Variants in CHD4 observed in about 807,000 individuals in gnomAD.
CHD4 encodes ATP-dependent chromatin remodeler CHD4.
Under a neutral mutation model 235.5 loss-of-function variants are expected in CHD4, and 35 were observed. The ratio of observed to expected loss-of-function variants is 0.15; its 90% CI spans 0.11 to 0.20. The LOEUF (loss-of-function observed/expected upper bound fraction) is 0.20. Ranked by LOEUF, CHD4 falls within the 10% of genes least tolerant of loss-of-function variation. CHD4 has a pLI of 1.00. For synonymous variants in CHD4, 900 were observed against 850.2 expected (o/e 1.06, Z -1.02); for missense variants, 1,329 against 2,432.3 (o/e 0.55, Z 9.54).
In CHD4 at chr12:6,581,051, C is replaced by A. The variant is rs774243580; in HGVS notation, c.4902G>T (p.Glu1634Asp). The A allele has an allele frequency of 1.9e-6, 3 of 1,613,794 alleles. No homozygotes were observed. In the African/African-American group the frequency reaches 4.0e-5, roughly 22 times the overall value. Residue 1634 changes from glutamate to aspartate, a missense_variant, in exon 33 of 40, where the codon GAG becomes GAT. By Grantham distance (45) the Glu-to-Asp change is conservative. This residue lies in a region of CHD4 where 219 missense variants were observed against 219.3 expected (regional missense o/e 1.00). Transcript: ENST00000544040. ...KERTEEPMETEPKGAADVEKV... is the reference protein window; with the variant it reads ...KERTEEPMETDPKGAADVEKV... The stretch of plus-strand genomic sequence containing the variant: ...AAATGTGGATACCTTTACCTTTGGG[C>A]TCTGTCTCCATAGGTTCCTCTGTTC...
Position 6,570,367 on chromosome 12 carries a change from A to C in CHD4, c.*309T>G. Reference sequence around the variant, plus strand: ...GAAAAAATTCAGATCATTTTCTTCAAGCCTGGCAGGAACCCACAACAGTTT... The same window carrying C: ...GAAAAAATTCAGATCATTTTCTTCACGCCTGGCAGGAACCCACAACAGTTT... On this transcript the variant is annotated 3_prime_UTR_variant, in exon 40 of 40. Transcript: ENST00000544040. 1 of 403,018 alleles carries C rather than the reference A, an allele frequency of 2.5e-6. No homozygotes were observed. The highest frequency in any genetic ancestry group is 4.4e-6 in the Non-Finnish European group (1 of 225,120). The allele number at this position is 403,018 out of a possible 1,614,324, so 25.0% of individuals were successfully genotyped here. A position where few individuals can be genotyped will look rare whatever the true frequency, so the allele number is the denominator to read the frequency against.
At position 6,593,513 on chromosome 12, in the gene CHD4, T is replaced by C. The variant is rs1161155760; in HGVS notation, c.2417A>G (p.Tyr806Cys). Residue 806 changes from tyrosine (Y) to cysteine (C), a missense_variant, in exon 16 of 40, where the codon TAT becomes TGT. By Grantham distance (194) the Tyr-to-Cys change is radical. Around this residue, in one of 26 missense-constraint regions of CHD4, gnomAD observed 78 missense variants for 174.8 expected, o/e 0.45. Coordinates refer to ENST00000544040, the MANE Select transcript of CHD4 (RefSeq NM_001273.5). The surrounding 1 kb of genome is among the most constrained non-coding windows in gnomAD (Gnocchi z 4.9). ...MWAPDMYVVT[Y>C]VGDKDSRAII... ...GGCACGGCTGTCCTTGTCACCCACA[T>C]AGGTTACGACATACATGTCTGGAGC... 1.2e-6 allele frequency: 2 copies of C among 1,614,138 alleles called. No individual in the cohort carries two copies. Among genetic ancestry groups the C allele is most frequent in the Non-Finnish European group, 8.5e-7 (1 of 1,180,026 alleles).
chr12:6,593,723 A>C lies in CHD4; in HGVS notation c.2314-107T>G. On this transcript the variant is annotated intron_variant, in intron 15 of 39. Transcript: ENST00000544040. This position sits in a 1 kb window ranked among gnomAD's most constrained non-coding sequence, Gnocchi z 4.9. The stretch of plus-strand genomic sequence containing the variant: ...CTCAAGCTGAGCCAAGGACTGACAC[A>C]CCTGCGCTGCTGCTCCTGCTCTCAC... 4.2e-6 allele frequency: 4 copies of C among 956,774 alleles called. No individual in the cohort carries two copies. Among genetic ancestry groups the C allele is most frequent in the Non-Finnish European group, 6.3e-6 (4 of 630,710 alleles). 59.3% of individuals were successfully genotyped at this position (956,774 alleles called of 1,614,324 possible).
rs968934317 is a variant in CHD4 at position 6,571,295 on chromosome 12, G to T, written c.5558-263C>A. ...GTATTTCCTCTTCTTGAGCTTATTC[G>T]TTTTTTCTCTTCTCTACCTTCAGAA... On this transcript the variant is annotated intron_variant, in intron 38 of 39. Coordinates refer to ENST00000544040, the MANE Select transcript of CHD4 (RefSeq NM_001273.5). 7.7e-6 allele frequency: 3 copies of T among 391,268 alleles called. No homozygotes were observed. The South Asian group carries it at 1.7e-4, about 22-fold the overall frequency. The allele number at this position is 391,268 out of a possible 1,614,324, so 24.2% of individuals were successfully genotyped here.
intron 24 of CHD4, 66 bp from the exon 25 acceptor site, chr12:6,587,625 C>A: frequency 3.1e-6 from 5 of 1,605,252 alleles, no homozygotes; most frequent in Non-Finnish European, 4.3e-6. Flanking sequence ...AAAAGCAAGT[C>A]CCACAAGACC....
rs942344909 is a variant in CHD4 at position 6,593,760 on chromosome 12, C to G, written c.2314-144G>C. 1 of 700,730 alleles carries G rather than the reference C, an allele frequency of 1.4e-6. No homozygotes were observed. Among genetic ancestry groups the G allele is most frequent in the Non-Finnish European group, 2.4e-6 (1 of 420,550 alleles). The allele number at this position is 700,730 out of a possible 1,614,324, so 43.4% of individuals were successfully genotyped here. A position where few individuals can be genotyped will look rare whatever the true frequency, so the allele number is the denominator to read the frequency against. On this transcript the variant is annotated intron_variant, in intron 15 of 39. Coordinates refer to ENST00000544040, the MANE Select transcript of CHD4 (RefSeq NM_001273.5). The surrounding 1 kb of genome is among the most constrained non-coding windows in gnomAD (Gnocchi z 4.9). The stretch of plus-strand genomic sequence containing the variant: ...GCTCCTGCTCTCACCTTCCTCTATA[C>G]AAGTGCCCAGCCCACTCCTTTCCAA...
Position 6,573,028 on chromosome 12 carries a change from G to C in CHD4, c.5557+46C>G, listed in dbSNP as rs567426939. 7 of 1,559,422 alleles carry C rather than the reference G, an allele frequency of 4.5e-6. No homozygotes were observed. In the East Asian group the frequency reaches 1.2e-4, roughly 26 times the overall value. ...ATATATGTACATTAGGATGCAGTCA[G>C]ATCAGGGAGGCCGAATCGGCAGGAG... is the stretch of plus-strand genomic sequence containing the variant. On this transcript the variant is annotated intron_variant, in intron 38 of 39. Transcript: ENST00000544040.
At chr12:6,581,959 C>A (rs1044619148) in intron 30 of CHD4, 145 bp from the exon 31 acceptor site, 3 of 1,159,442 alleles carry the variant, frequency 2.6e-6, no homozygotes, top group Non-Finnish European at 3.5e-6. Flanking sequence ...CCCGCCACCA[C>A]GTGCAGCTAA....
At chr12:6,594,406 G>C in intron 15 of CHD4, 53 bp downstream of exon 15, 1 of 1,519,120 alleles carries the variant, frequency 6.6e-7, no homozygotes. Flanking sequence ...GTAAGTTAAG[G>C]CTTCAAACAC....
At position 6,570,413 on chromosome 12, in the gene CHD4, T is replaced by G; in HGVS notation, c.*263A>C. The G allele has an allele frequency of 1.9e-6, 1 of 529,288 alleles. No homozygotes were observed. The allele number at this position is 529,288 out of a possible 1,614,324, so 32.8% of individuals were successfully genotyped here. ...AGTTTGTGTGTAACAGGCGTTACAG[T>G]GGGGAGAAGCCAGGGTCCAGAAGGC... On this transcript the variant is annotated 3_prime_UTR_variant, in exon 40 of 40. Transcript: ENST00000544040.
chr12:6,578,678 G>T (rs764940961), intron 34 of CHD4, 132 bp from the exon 35 acceptor site: 5 of 1,463,492 alleles, frequency 3.4e-6, no homozygotes, highest in Non-Finnish European at 4.7e-6. Flanking sequence ...CTCAGACCCA[G>T]AAAATGGTGC....
intron 22 of CHD4, among the ~76,000 whole-genome samples, chr12:6,589,259 T>G (rs1440562870): frequency 6.6e-6 from 1 of 152,212 alleles, no homozygotes; most frequent in African/African-American, 2.4e-5. Context: ...CAAGGTCCAC[T>G]GACGAATACT....
At chr12:6,605,529 T>C (rs772996422) in intron 2 of CHD4, among the ~76,000 whole-genome samples, 10 of 151,998 alleles carry the variant, frequency 6.6e-5, no homozygotes, top group Non-Finnish European at 1.2e-4. Context: ...ACACAGACAC[T>C]TCACACTGCC....
intron 11 of CHD4, 43 bp downstream of exon 11, chr12:6,598,179 T>C: frequency 6.2e-7 from 1 of 1,609,354 alleles, no homozygotes. Flanking sequence ...GTCACTATCC[T>C]CTTCATCGTA....
chr12:6,577,265 C>CAAAA, intron 37 of CHD4, among the ~76,000 whole-genome samples: 1 of 151,208 alleles, frequency 6.6e-6, no homozygotes, highest in Non-Finnish European at 1.5e-5. Flanking sequence ...ACTAAAAATC[C>CAAAA]AAAAAAAACA....
rs777516878 is a variant in CHD4, at chr12:6,598,111, AAG to A, written c.1687-14_1687-13del. On this transcript the variant is annotated splice_polypyrimidine_tract_variant and intron_variant, in intron 11 of 39. Transcript: ENST00000544040. ...CAGTGCAGCTCCAGCTTTGAGCGGA[AAG>A]AGAAAATCAGCCACCAAGAAGCTGT... The A allele has an allele frequency of 2.5e-6, 4 of 1,614,058 alleles. No individual in the cohort carries two copies. The East Asian group carries it at 8.9e-5, about 36-fold the overall frequency.
At chr12:6,575,315 G>A (rs1948049979) in intron 37 of CHD4, among the ~76,000 whole-genome samples, 1 of 152,046 alleles carries the variant, frequency 6.6e-6, no homozygotes, top group Non-Finnish European at 1.5e-5. Context: ...AGGCATGGTG[G>A]TACATGCCTG....
Position 6,593,655 on chromosome 12 carries a change from A to T in CHD4, c.2314-39T>A. On this transcript the variant is annotated intron_variant, in intron 15 of 39. Transcript: ENST00000544040. The surrounding 1 kb of genome is among the most constrained non-coding windows in gnomAD (Gnocchi z 4.9). ...GAGGAGAGTCAGGACTGAGGGCCCC[A>T]GCACACTGCAACCCCAGCGAACACC... 1 of 1,592,216 alleles carries T rather than the reference A, an allele frequency of 6.3e-7. No individual in the cohort carries two copies. Among genetic ancestry groups the T allele is most frequent in the Non-Finnish European group, 8.6e-7 (1 of 1,162,636 alleles).
intron 28 of CHD4, 28 bp downstream of exon 28, chr12:6,582,820 C>A (rs763359336): frequency 1.9e-6 from 3 of 1,613,958 alleles, no homozygotes; most frequent in Middle Eastern, 1.6e-4. Flanking sequence ...CTGACACTCA[C>A]CCCTCCTTAG....
Sources: allele counts gnomAD v4.1 joint callset (sites outside exome capture counted in the v4.1 genomes callset), GRCh38; gene constraint gnomAD v4.1.1; regional missense constraint gnomAD v4.1.1; non-coding constraint Gnocchi (gnomAD v3.1); transcripts MANE v1.5; gene names NCBI Gene and HGNC (gene_info 2026-07-23, HGNC 2026-07-21).